Variants in VTI1A observed in about 807,000 individuals in gnomAD.
VTI1A encodes vesicle transport through interaction with t-SNAREs homolog 1A.
Under a neutral mutation model 34.9 loss-of-function variants are expected in VTI1A, and 22 were observed. The observed-to-expected ratio is 0.63, with a 90% confidence interval of 0.45 to 0.90. The LOEUF (loss-of-function observed/expected upper bound fraction) is 0.90. Among genes scored for constraint, VTI1A ranks in the 40% least tolerant of loss-of-function variants. VTI1A has a pLI of 0.00. For missense variants in VTI1A, 268 were observed against 275.6 expected, an observed-to-expected ratio of 0.97 and a Z score of 0.20; for synonymous variants, 87 against 97.3, an observed-to-expected ratio of 0.89 and a Z score of 0.62.
chr10:112,721,495 C>T (rs1248841403), intron 7 of VTI1A, among the ~76,000 whole-genome samples: 1 of 152,220 alleles, frequency 6.6e-6, no homozygotes. Flanking sequence ...TTGATGCTCA[C>T]AATTTGACAA....
At chr10:112,829,113 G>A in the VTI1A span, among the ~76,000 whole-genome samples, 9 of 152,194 alleles carry the variant, frequency 5.9e-5, no homozygotes, top group South Asian at 1.7e-3. Flanking sequence ...TATCCTGAAG[G>A]AAATTTGAGG....
chr10:112,718,595 A>AT (rs771357650), intron 7 of VTI1A, among the ~76,000 whole-genome samples: 71 of 152,284 alleles, frequency 4.7e-4, no homozygotes, highest in Non-Finnish European at 8.4e-4. Flanking sequence ...GAATTGGAAG[A>AT]TTTTTTCCCC....
At chr10:112,456,120 G>C (rs1213064116) in intron 1 of VTI1A, among the ~76,000 whole-genome samples, 1 of 152,100 alleles carries the variant, frequency 6.6e-6, no homozygotes, top group Non-Finnish European at 1.5e-5. Context: ...CCGGCAATGA[G>C]CCTGAAGAGG....
chr10:112,634,527 A>G (rs1401199781), intron 5 of VTI1A, among the ~76,000 whole-genome samples: 4 of 147,558 alleles, frequency 2.7e-5, no homozygotes, highest in Admixed American at 2.7e-4. Context: ...ACACACACAC[A>G]CACACACACA....
At chr10:112,494,539 C>T (rs537843653) in intron 3 of VTI1A, among the ~76,000 whole-genome samples, 114 of 152,052 alleles carry the variant, frequency 7.5e-4, no homozygotes, top group African/African-American at 2.7e-3. Context: ...CTCCTTTCCT[C>T]GCTCCGTTGC....
At chr10:112,782,010 C>A (rs1808171469) in intron 7 of VTI1A, among the ~76,000 whole-genome samples, 2 of 152,180 alleles carry the variant, frequency 1.3e-5, no homozygotes, top group South Asian at 2.1e-4. Flanking sequence ...CCTAGAAGAC[C>A]CTTCGACTGA....
intron 4 of VTI1A, among the ~76,000 whole-genome samples, chr10:112,527,761 A>T (rs1407750218): frequency 6.6e-6 from 1 of 151,578 alleles, no homozygotes; most frequent in Non-Finnish European, 1.5e-5. Context: ...TTTGCAGTTT[A>T]AGATCTGCGT....
intron 7 of VTI1A, among the ~76,000 whole-genome samples, chr10:112,710,628 A>G (rs1456568175): frequency 6.6e-6 from 1 of 152,212 alleles, no homozygotes; most frequent in Non-Finnish European, 1.5e-5. Context: ...TTTTTTAAGC[A>G]ATGTCCAAAG....
upstream of VTI1A, chr10:112,447,038 C>A: frequency 1.1e-5 from 3 of 284,968 alleles, no homozygotes; most frequent in South Asian, 7.3e-5. Context: ...ATTCCCAGAA[C>A]ACGAAGGGGG....
intron 3 of VTI1A, among the ~76,000 whole-genome samples, chr10:112,524,728 G>C (rs1850159114): frequency 6.6e-6 from 1 of 151,992 alleles, no homozygotes; most frequent in African/African-American, 2.4e-5. Flanking sequence ...CCAATTTGTT[G>C]GTATTTTGGT....
At chr10:112,736,779 G>C (rs1402511591) in intron 7 of VTI1A, 2 of 1,520,240 alleles carry the variant, frequency 1.3e-6, no homozygotes, top group South Asian at 2.4e-5. Flanking sequence ...GCTTGAACCA[G>C]AACCAGCCAG....
the VTI1A span, among the ~76,000 whole-genome samples, chr10:112,848,766 C>T: frequency 2.9e-4 from 44 of 152,086 alleles, no homozygotes; most frequent in Non-Finnish European, 5.3e-4. Flanking sequence ...GAAGTACATA[C>T]GGAGCCCAGA....
chr10:112,580,029 G>T (rs1202963026), intron 5 of VTI1A, among the ~76,000 whole-genome samples: 2 of 152,156 alleles, frequency 1.3e-5, no homozygotes, highest in Admixed American at 1.3e-4. Flanking sequence ...TGGTTTTGAT[G>T]AGGATTAGAA....
chr10:112,737,337 C>G, intron 7 of VTI1A: 1 of 1,024,002 alleles, frequency 9.8e-7, no homozygotes, highest in Non-Finnish European at 1.2e-6. Context: ...CGTGCCCAAC[C>G]CTAACAATTA....
intron 7 of VTI1A, among the ~76,000 whole-genome samples, chr10:112,687,193 A>G (rs928016233): frequency 5.3e-5 from 8 of 150,676 alleles, no homozygotes; most frequent in African/African-American, 2.0e-4. Context: ...CACCACATCA[A>G]CAAAACAGGC....
the VTI1A span, among the ~76,000 whole-genome samples, chr10:112,848,223 G>T: frequency 6.6e-5 from 10 of 152,198 alleles, no homozygotes; most frequent in African/African-American, 2.4e-4. Flanking sequence ...TGGCAGCAGT[G>T]CTGGGATCAC....
intron 5 of VTI1A, among the ~76,000 whole-genome samples, chr10:112,547,894 G>C (rs1368939221): frequency 1.3e-5 from 2 of 151,946 alleles, no homozygotes; most frequent in African/African-American, 4.8e-5. Flanking sequence ...AATTTTTGAA[G>C]AAAAGCAATC....
chr10:112,815,157 ACACACACACACACACG>A, intron 7 of VTI1A, 117 bp from the exon 8 acceptor site: 1 of 520,386 alleles, frequency 1.9e-6, no homozygotes, highest in African/African-American at 2.0e-5. Flanking sequence ...ACACACACAC[ACACACACACACACACG>A]CTCCCCACCC....
At chr10:112,694,870 G>T (rs545540405) in intron 7 of VTI1A, among the ~76,000 whole-genome samples, 1 of 152,136 alleles carries the variant, frequency 6.6e-6, no homozygotes, top group Non-Finnish European at 1.5e-5. Context: ...TCAGGAGGCT[G>T]AGGCAGGAGA....
Sources: allele counts gnomAD v4.1 joint callset (sites outside exome capture counted in the v4.1 genomes callset), GRCh38; gene constraint gnomAD v4.1.1; transcripts MANE v1.5; gene names NCBI Gene and HGNC (gene_info 2026-07-23, HGNC 2026-07-21).